The following SPP1 variants were observed in gnomAD, a reference collection of about 807,000 sequenced individuals.
SPP1 encodes osteopontin.
In SPP1, 18 loss-of-function variants were observed where a neutral mutation model predicts 20.8. That is an observed-to-expected ratio of 0.87 (90% CI 0.60 to 1.29). SPP1 has a LOEUF of 1.29. Among genes scored for constraint, SPP1 ranks in the 50% most tolerant of loss-of-function variants. The probability of loss-of-function intolerance (pLI) is 0.00; values close to 1 mark genes in which losing one functional copy is unlikely to be tolerated. For missense variants in SPP1, 363 were observed against 389.0 expected (o/e 0.93, Z 0.56); for synonymous variants, 146 against 141.5 (o/e 1.03, Z -0.23).
intron 3 of SPP1, chr4:87,977,897 T>G: frequency 9.2e-7 from 1 of 1,082,478 alleles, no homozygotes; most frequent in Non-Finnish European, 1.1e-6. Flanking sequence ...TGTCTGTTTT[T>G]CAACTGATTT....
intron 3 of SPP1, chr4:87,977,909 A>G: frequency 9.7e-7 from 1 of 1,036,034 alleles, no homozygotes; most frequent in Non-Finnish European, 1.2e-6. Flanking sequence ...AACTGATTTG[A>G]AAATACAGGT....
At chr4:87,979,425 G>A (rs971574268) in intron 3 of SPP1, among the ~76,000 whole-genome samples, 3 of 151,696 alleles carry the variant, frequency 2.0e-5, no homozygotes, top group Non-Finnish European at 2.9e-5. Context: ...CGCCTGCCTC[G>A]GCCTCCCAAA....
At chr4:87,978,478 C>CG (rs1034324418) in intron 3 of SPP1, among the ~76,000 whole-genome samples, 2 of 144,380 alleles carry the variant, frequency 1.4e-5, no homozygotes, top group Admixed American at 1.4e-4. Context: ...TCACTGCAAG[C>CG]TCCGCCTCCC....
chr4:87,981,673 G>C lies in SPP1; in HGVS notation c.415G>C (p.Asp139His). 1 of 1,614,144 alleles carries C rather than the reference G, an allele frequency of 6.2e-7. No individual in the cohort carries two copies. The highest frequency in any genetic ancestry group is 2.2e-5 in the East Asian group (1 of 44,884). ...TGAACTGGTCACTGATTTTCCCACGGACCTGCCAGCAACCGAAGTTTTCAC... is the reference window on the plus strand; with the variant it reads ...TGAACTGGTCACTGATTTTCCCACGCACCTGCCAGCAACCGAAGTTTTCAC... ...SDELVTDFPT[D>H]LPATEVFTPV... is the part of the protein sequence containing the mutation. Residue 139 changes from aspartate to histidine, a missense_variant, in exon 6 of 7, where the codon GAC becomes CAC. By Grantham distance (81) the Asp-to-His change is moderately conservative. Coordinates refer to ENST00000395080, the MANE Select transcript of SPP1 (RefSeq NM_001040058.2).
chr4:87,978,560 T>C (rs1315864326), intron 3 of SPP1, among the ~76,000 whole-genome samples: 1 of 152,034 alleles, frequency 6.6e-6, no homozygotes, highest in Non-Finnish European at 1.5e-5. Context: ...TTTTTTGTAT[T>C]TTTAGTAGAG....
chr4:87,976,572 G>A (rs1322573906), intron 1 of SPP1, among the ~76,000 whole-genome samples: 1 of 152,006 alleles, frequency 6.6e-6, no homozygotes, highest in Non-Finnish European at 1.5e-5. Flanking sequence ...CTGTTTGTAG[G>A]TTTAGAGAGC....
chr4:87,977,226 A>T, intron 3 of SPP1, 129 bp downstream of exon 3: 1 of 932,022 alleles, frequency 1.1e-6, no homozygotes, highest in East Asian at 2.6e-5. Context: ...GTATTGATTG[A>T]CTGCCTGCTA....
At chr4:87,980,480 T>C in intron 5 of SPP1, 46 bp downstream of exon 5, 3 of 1,595,134 alleles carry the variant, frequency 1.9e-6, no homozygotes, top group Non-Finnish European at 2.6e-6. Context: ...CTTGAAGAGA[T>C]GAAAGAAGGC....
rs531356245 is a variant in SPP1, at chr4:87,978,457, G to A, written c.93+1360G>A. Reference sequence around the variant, plus strand: ...GTCGCCCAGGCTGGAGTGCAGTGGTGTGATCTCGGCTCACTGCAAGCTCCG... The same window carrying A: ...GTCGCCCAGGCTGGAGTGCAGTGGTATGATCTCGGCTCACTGCAAGCTCCG... On this transcript the variant is annotated intron_variant, in intron 3 of 6. Coordinates refer to ENST00000395080, the MANE Select transcript of SPP1 (RefSeq NM_001040058.2). Among the ~76,000 whole-genome samples, 21 of 137,960 alleles carry A rather than the reference G, an allele frequency of 1.5e-4. No individual in the cohort carries two copies. The South Asian group carries it at 4.6e-3, about 30-fold the overall frequency. The allele number at this position is 137,960 out of a possible 152,430, so 90.5% of individuals were successfully genotyped here.
chr4:87,981,336 TA>T, intron 5 of SPP1, 138 bp from the exon 6 acceptor site: 1 of 709,838 alleles, frequency 1.4e-6, no homozygotes, highest in Non-Finnish European at 2.2e-6. Flanking sequence ...CTTTAGCTCC[TA>T]AAAGCCATGG....
Position 87,982,687 on chromosome 4 carries a change from T to C in SPP1, c.736T>C (p.Tyr246His), listed in dbSNP as rs373583715. 3.0e-5 allele frequency: 48 copies of C among 1,613,974 alleles called. No individual in the cohort carries two copies. The highest frequency in any genetic ancestry group is 4.0e-5 in the Non-Finnish European group (47 of 1,180,020). Reference sequence around the variant, plus strand: ...CCACAGCCACAAGCAGTCCAGATTATATAAGCGGAAAGCCAATGATGAGAG... The same window carrying C: ...CCACAGCCACAAGCAGTCCAGATTACATAAGCGGAAAGCCAATGATGAGAG... ...ETHSHKQSRLYKRKANDESNE... is the reference protein window; with the variant it reads ...ETHSHKQSRLHKRKANDESNE... Residue 246 changes from tyrosine (Y) to histidine (H), a missense_variant, in exon 7 of 7, where the codon TAT (tyrosine) becomes CAT (histidine). Physicochemically the swap from Tyr to His is moderately conservative, Grantham distance 83. Coordinates refer to ENST00000395080, the MANE Select transcript of SPP1 (RefSeq NM_001040058.2).
chr4:87,978,219 T>C (rs762998892), intron 3 of SPP1, among the ~76,000 whole-genome samples: 1 of 152,132 alleles, frequency 6.6e-6, no homozygotes, highest in Non-Finnish European at 1.5e-5. Context: ...AGTCTATTCA[T>C]TTTGCTTACC....
In SPP1 at chr4:87,976,957, C is replaced by G; in HGVS notation, c.54+8C>G. The G allele has an allele frequency of 1.2e-6, 2 of 1,613,672 alleles. No individual in the cohort carries two copies. The highest frequency in any genetic ancestry group is 1.7e-6 in the Non-Finnish European group (2 of 1,179,594). The stretch of plus-strand genomic sequence containing the variant: ...ATCACCTGTGCCATACCAGTGAGTA[C>G]AGTTGCATCTTAAAGAAAATTCCTG... On this transcript the variant is annotated splice_region_variant and intron_variant, in intron 2 of 6. Coordinates refer to ENST00000395080, the MANE Select transcript of SPP1 (RefSeq NM_001040058.2).
At chr4:87,977,211 T>A (rs533301124) in intron 3 of SPP1, 114 bp downstream of exon 3, 1 of 1,072,402 alleles carries the variant, frequency 9.3e-7, no homozygotes, top group African/African-American at 1.6e-5. Flanking sequence ...TCCATTGGTT[T>A]ACAAGTATTG....
chr4:87,979,711 C>T (rs1285639427), intron 3 of SPP1, among the ~76,000 whole-genome samples: 1 of 152,038 alleles, frequency 6.6e-6, no homozygotes. Flanking sequence ...TGCGTTTGAA[C>T]CCTGCCTGGC....
At position 87,976,923 on chromosome 4, in the gene SPP1, C is replaced by T; in HGVS notation, c.28C>T (p.Leu10Phe). 1 of 1,613,604 alleles carries T rather than the reference C, an allele frequency of 6.2e-7. No individual in the cohort carries two copies. The highest frequency in any genetic ancestry group is 8.5e-7 in the Non-Finnish European group (1 of 1,179,560). The change falls in exon 2 of 7, where the codon CTC becomes TTC. Residue 10 changes from leucine (L) to phenylalanine (F), a missense_variant. By Grantham distance (22) the Leu-to-Phe change is conservative. Transcript: ENST00000395080. MRIAVICFC[L>F]LGITCAIPVK... Reference sequence around the variant, plus strand: ...GAGAATTGCAGTGATTTGCTTTTGCCTCCTAGGCATCACCTGTGCCATACC... The same window carrying T: ...GAGAATTGCAGTGATTTGCTTTTGCTTCCTAGGCATCACCTGTGCCATACC...
chr4:87,977,902 T>A, intron 3 of SPP1: 1 of 1,067,936 alleles, frequency 9.4e-7, no homozygotes. Context: ...GTTTTTCAAC[T>A]GATTTGAAAA....
chr4:87,979,291 A>G (rs1384090726), intron 3 of SPP1, among the ~76,000 whole-genome samples: 1 of 148,086 alleles, frequency 6.8e-6, no homozygotes, highest in Non-Finnish European at 1.5e-5. Flanking sequence ...CAGCCTCCCC[A>G]GTAGCTGGGG....
intron 3 of SPP1, 53 bp downstream of exon 3, chr4:87,977,150 A>G (rs1725412686): frequency 6.5e-7 from 1 of 1,547,716 alleles, no homozygotes; most frequent in East Asian, 2.2e-5. Context: ...AATTATGGCG[A>G]GAGGTGCAAG....
Sources: allele counts gnomAD v4.1 joint callset (sites outside exome capture counted in the v4.1 genomes callset), GRCh38; gene constraint gnomAD v4.1.1; transcripts MANE v1.5; gene names NCBI Gene and HGNC (gene_info 2026-07-23, HGNC 2026-07-21).